Variants in TRAF5 observed in about 807,000 individuals in gnomAD.
TRAF5 encodes TNF receptor-associated factor 5.
A neutral mutation model predicts 64.5 loss-of-function variants in TRAF5; 48 were observed. The observed-to-expected ratio is 0.74, with a 90% CI of 0.59 to 0.95. The LOEUF (loss-of-function observed/expected upper bound fraction) is 0.95. Ranked by LOEUF, TRAF5 falls within the 40% of genes least tolerant of loss-of-function variation. TRAF5 has a pLI of 0.00. For synonymous variants in TRAF5, 206 were observed against 240.5 expected (o/e 0.86, Z 1.33); for missense variants, 545 against 662.8 (o/e 0.82, Z 1.95).
chr1:211,336,841 G>A (rs1015317375), intron 1 of TRAF5, among the ~76,000 whole-genome samples: 2 of 152,196 alleles, frequency 1.3e-5, no homozygotes, highest in South Asian at 2.1e-4. Flanking sequence ...TGTCTTTTTG[G>A]TAGAGACGGG....
chr1:211,372,167 T>G lies in TRAF5; in HGVS notation c.1139T>G (p.Ile380Ser). Residue 380 changes from isoleucine (I) to serine (S), a missense_variant, in exon 11 of 11, where the codon ATT becomes AGT. Ile to Ser is a moderately radical substitution (Grantham distance 142). Transcript: ENST00000261464. ...GAAACTAACAAACATGATACCCACA[T>G]TAATATTCATAAAGCACAGCTGAGT... ...EEETNKHDTH[I>S]NIHKAQLSKN... 1 of 1,608,366 alleles carries G rather than the reference T, an allele frequency of 6.2e-7. No individual in the cohort carries two copies. Among genetic ancestry groups the G allele is most frequent in the African/African-American group, 1.3e-5 (1 of 74,470 alleles).
rs76176300 is a variant in TRAF5, at chr1:211,351,573, A to T, written c.-1-1666A>T. Among the ~76,000 whole-genome samples the T allele has an allele frequency of 3.2e-3, 487 of 152,074 alleles. 2 individuals are homozygous for T. The highest frequency in any genetic ancestry group is 0.011 in the African/African-American group (467 of 41,488). ...GATCATCTAGATTTTATCCTATGTT[A>T]TCTAGTAGGAGTTTTATAGCTTTGC... On this transcript the variant is annotated intron_variant, in intron 1 of 10. Coordinates refer to ENST00000261464, the MANE Select transcript of TRAF5 (RefSeq NM_001033910.3).
intron 7 of TRAF5, among the ~76,000 whole-genome samples, chr1:211,363,735 AC>A (rs1304179668): frequency 2.6e-5 from 4 of 151,978 alleles, no homozygotes. Context: ...ACATATTGAA[AC>A]CCTGTCTCTA....
rs1703572002 is a variant in TRAF5, at chr1:211,372,512, T to G, written c.1484T>G (p.Ile495Ser). ...MLLDQSGKKN[I>S]METFKPDPNS... is the part of the protein sequence containing the mutation. ...CTGGACCAGAGTGGCAAAAAGAACA[T>G]TATGGAGACCTTCAAACCTGACCCC... The change falls in exon 11 of 11, where the codon ATT becomes AGT. Residue 495 changes from isoleucine (I) to serine (S), a missense_variant. Physicochemically the swap from Ile to Ser is moderately radical, Grantham distance 142. Coordinates refer to ENST00000261464, the MANE Select transcript of TRAF5 (RefSeq NM_001033910.3). 6.2e-7 allele frequency: 1 copy of G among 1,613,988 alleles called. No homozygotes were observed. The highest frequency in any genetic ancestry group is 8.5e-7 in the Non-Finnish European group (1 of 1,180,008).
chr1:211,356,378 C>A lies in TRAF5; in HGVS notation c.288C>A (p.Asp96Glu). 2 of 1,613,602 alleles carry A rather than the reference C, an allele frequency of 1.2e-6. No individual in the cohort carries two copies. Among genetic ancestry groups the A allele is most frequent in the Non-Finnish European group, 1.7e-6 (2 of 1,179,622 alleles). ...TGTTTATCTTTTAGGTTTTTAAAGA[C>A]AATTGTTGCAAAAGAGAAGTCCTCA... ...EVIKSQEVFK[D>E]NCCKREVLNL... is the part of the protein sequence containing the mutation. Residue 96 changes from aspartate (D) to glutamate (E), a missense_variant, in exon 4 of 11, where the codon GAC becomes GAA. Physicochemically the swap from Asp to Glu is conservative, Grantham distance 45. Transcript: ENST00000261464.
At position 211,371,357 on chromosome 1, in the gene TRAF5, T is replaced by C. The variant is rs1456033586; in HGVS notation, c.986T>C (p.Leu329Ser). The C allele has an allele frequency of 6.2e-7, 1 of 1,610,946 alleles. No homozygotes were observed. Among genetic ancestry groups the C allele is most frequent in the Admixed American group, 1.7e-5 (1 of 58,778 alleles). The change falls in exon 10 of 11, where the codon TTA becomes TCA. Residue 329 changes from leucine (L) to serine (S), a missense_variant. Transcript: ENST00000261464. ...SAWLEAQVHQ[L>S]LQMVNQQQNK... ...TGGCTAGAAGCTCAAGTGCATCAAT[T>C]ATTACAAATGGTTAACCAGCAACAA... is the stretch of plus-strand genomic sequence containing the variant.
intron 7 of TRAF5, among the ~76,000 whole-genome samples, chr1:211,362,109 A>C (rs1341112815): frequency 6.6e-6 from 1 of 152,160 alleles, no homozygotes; most frequent in East Asian, 1.9e-4. Flanking sequence ...TATATCACCA[A>C]GTATACTGAA....
At chr1:211,370,868 C>T (rs1177408325) in intron 9 of TRAF5, among the ~76,000 whole-genome samples, 1 of 152,190 alleles carries the variant, frequency 6.6e-6, no homozygotes, top group African/African-American at 2.4e-5. Flanking sequence ...TCTGCACCAC[C>T]TGTAGAGCTC....
At chr1:211,339,586 T>A (rs1483179259) in intron 1 of TRAF5, among the ~76,000 whole-genome samples, 1 of 152,178 alleles carries the variant, frequency 6.6e-6, no homozygotes, top group African/African-American at 2.4e-5. Flanking sequence ...CTCTTGGACC[T>A]CCTCTCTGGG....
intron 1 of TRAF5, among the ~76,000 whole-genome samples, chr1:211,341,321 C>G (rs180779280): frequency 3.9e-5 from 6 of 152,010 alleles, no homozygotes; most frequent in Admixed American, 3.9e-4. Context: ...AACCCTAGGG[C>G]CAAGGGATCA....
intron 5 of TRAF5, 53 bp downstream of exon 5, chr1:211,360,129 G>A (rs2102755823): frequency 6.5e-7 from 1 of 1,529,844 alleles, no homozygotes; most frequent in Non-Finnish European, 9.0e-7. Flanking sequence ...TTATGCCTGA[G>A]TGGTCACAGT....
intron 4 of TRAF5, chr1:211,357,924 C>T (rs1228420832): frequency 6.6e-6 from 1 of 152,170 alleles, no homozygotes; most frequent in Non-Finnish European, 1.5e-5. Context: ...CAGTCTCTGT[C>T]ACAATTACTC....
rs1372397872 is a variant in TRAF5, at chr1:211,374,741, T to TA, written c.*2039_*2040insA. ...AGTGGAAGATCATATTGCTGTAACT[T>TA]CTTTTAAGTAGTTGATGTGGAAAAC... On this transcript the variant is annotated 3_prime_UTR_variant, in exon 11 of 11. Transcript: ENST00000261464. 1.3e-5 allele frequency: 2 copies of TA among 152,214 alleles called. No homozygotes were observed. The highest frequency in any genetic ancestry group is 6.5e-5 in the Admixed American group (1 of 15,280). The allele number at this position is 152,214 out of a possible 1,614,324, so 9.4% of individuals were successfully genotyped here. A position where few individuals can be genotyped will look rare whatever the true frequency, so the allele number is the denominator to read the frequency against.
intron 1 of TRAF5, among the ~76,000 whole-genome samples, chr1:211,334,566 G>A (rs1394148298): frequency 6.6e-6 from 1 of 152,164 alleles, no homozygotes; most frequent in African/African-American, 2.4e-5. Context: ...GCTGAGGCAG[G>A]AGAATCACTT....
At chr1:211,330,087 G>T (rs1445321516) in intron 1 of TRAF5, among the ~76,000 whole-genome samples, 1 of 152,214 alleles carries the variant, frequency 6.6e-6, no homozygotes. Context: ...AGTGACAGTG[G>T]TGAGCACATT....
chr1:211,344,907 C>A (rs1174881638), intron 1 of TRAF5, among the ~76,000 whole-genome samples: 1 of 152,098 alleles, frequency 6.6e-6, no homozygotes, highest in South Asian at 2.1e-4. Flanking sequence ...GCGTGCACCA[C>A]CACACCCTGC....
In TRAF5 at chr1:211,356,425, A is replaced by G. The variant is rs139835688; in HGVS notation, c.335A>G (p.Asn112Ser). Reference protein sequence around the residue: ...EVLNLYVYCSNAPGCNAKVIL... With the variant: ...EVLNLYVYCSSAPGCNAKVIL... ...CTCAACTTATATGTATATTGCAGCA[A>G]TGCTCCTGGATGTAATGCCAAGGTT... The change falls in exon 4 of 11, where the codon AAT becomes AGT. Residue 112 changes from asparagine to serine, a missense_variant. Transcript: ENST00000261464. 56 of 1,614,188 alleles carry G rather than the reference A, an allele frequency of 3.5e-5. No individual in the cohort carries two copies. The African/African-American group carries it at 4.0e-4, about 12-fold the overall frequency.
chr1:211,354,358 T>G, intron 2 of TRAF5, 52 bp from the exon 3 acceptor site: 1 of 1,578,296 alleles, frequency 6.3e-7, no homozygotes, highest in Non-Finnish European at 8.7e-7. Flanking sequence ...GTCTTGGAAA[T>G]GCTGTTGAGG....
chr1:211,353,551 G>C (rs1702865852), intron 2 of TRAF5, 94 bp downstream of exon 2: 9 of 1,277,502 alleles, frequency 7.0e-6, no homozygotes, highest in African/African-American at 1.5e-5. Flanking sequence ...TTTTGGAGTT[G>C]TTTTACTTGG....
Sources: gnomAD v4.1 joint callset for allele counts (sites outside exome capture counted in the v4.1 genomes callset) on GRCh38, gnomAD v4.1.1 for gene constraint, MANE v1.5 for transcripts, NCBI Gene and HGNC (gene_info 2026-07-23, HGNC 2026-07-21) for gene names.